The following SPATA17 variants were observed in gnomAD, a reference collection of about 807,000 sequenced individuals.
SPATA17 encodes the protein spermatogenesis-associated protein 17.
Under a neutral mutation model 62.2 loss-of-function variants are expected in SPATA17, and 53 were observed. The observed-to-expected ratio is 0.85, with a 90% CI of 0.68 to 1.07. SPATA17 has a LOEUF of 1.07. Among genes scored for constraint, SPATA17 ranks in the 50% least tolerant of loss-of-function variants. The pLI is 0.00. For synonymous variants in SPATA17, 146 were observed against 146.8 expected (o/e 0.99, Z 0.04); for missense variants, 466 against 425.5 (o/e 1.10, Z -0.84).
chr1:217,852,811 A>T (rs1039191724), intron 9 of SPATA17, among the ~76,000 whole-genome samples: 4 of 151,812 alleles, frequency 2.6e-5, no homozygotes, highest in Non-Finnish European at 2.9e-5. Context: ...GCATGATTAC[A>T]CTCTCACCTC....
intron 5 of SPATA17, among the ~76,000 whole-genome samples, chr1:217,721,060 A>G (rs1672115316): frequency 6.6e-6 from 1 of 152,218 alleles, no homozygotes; most frequent in African/African-American, 2.4e-5. Flanking sequence ...TTTATAGATA[A>G]GGCATCACAC....
At chr1:217,640,948 A>G (rs1670048199) in intron 1 of SPATA17, among the ~76,000 whole-genome samples, 1 of 152,090 alleles carries the variant, frequency 6.6e-6, no homozygotes, top group Admixed American at 6.6e-5. Context: ...TGAGGTTGAA[A>G]TAGAATCTTT....
intron 6 of SPATA17, among the ~76,000 whole-genome samples, chr1:217,755,536 C>T (rs1673021815): frequency 6.6e-6 from 1 of 151,894 alleles, no homozygotes; most frequent in South Asian, 2.1e-4. Context: ...CTACAAGGTG[C>T]TTACATAAGG....
At chr1:217,690,324 T>C (rs1671319590) in intron 5 of SPATA17, among the ~76,000 whole-genome samples, 1 of 152,246 alleles carries the variant, frequency 6.6e-6, no homozygotes, top group Admixed American at 6.5e-5. Flanking sequence ...TAAACTTTAC[T>C]CTGGATAGTT....
At chr1:217,822,585 C>G (rs1347707189) in intron 9 of SPATA17, among the ~76,000 whole-genome samples, 2 of 148,834 alleles carry the variant, frequency 1.3e-5, no homozygotes, top group African/African-American at 4.9e-5. Flanking sequence ...AATATTTGCT[C>G]GAATTAGCCA....
intron 5 of SPATA17, among the ~76,000 whole-genome samples, chr1:217,703,519 ATGT>A (rs1324697060): frequency 6.6e-6 from 1 of 152,060 alleles, no homozygotes; most frequent in Non-Finnish European, 1.5e-5. Flanking sequence ...ACAAAGTGTG[ATGT>A]TGGTCAAGCT....
chr1:217,836,788 A>G (rs897173262), intron 9 of SPATA17, among the ~76,000 whole-genome samples: 7 of 152,148 alleles, frequency 4.6e-5, no homozygotes, highest in East Asian at 1.9e-4. Flanking sequence ...AAAGGACAGA[A>G]GTGCTCCAGC....
Position 217,782,169 on chromosome 1 carries a change from G to C in SPATA17, c.724-5G>C. ...TAAAATATGTTCCTCATCCTGTCTTGTCAGGGGCCCTTCCGAGATATCACC... is the reference window on the plus strand; with the variant it reads ...TAAAATATGTTCCTCATCCTGTCTTCTCAGGGGCCCTTCCGAGATATCACC... On this transcript the variant is annotated splice_polypyrimidine_tract_variant and splice_region_variant and intron_variant, in intron 7 of 10. Transcript: ENST00000366933. The C allele has an allele frequency of 1.9e-6, 3 of 1,585,928 alleles. No individual in the cohort carries two copies. Among genetic ancestry groups the C allele is most frequent in the Non-Finnish European group, 2.6e-6 (3 of 1,168,848 alleles).
At chr1:217,737,648 CTGATTTTCTCCAG>C (rs1193772464) in intron 5 of SPATA17, among the ~76,000 whole-genome samples, 1 of 151,958 alleles carries the variant, frequency 6.6e-6, no homozygotes, top group African/African-American at 2.4e-5. Context: ...GGCAGGGCAG[CTGATTTTCTCCAG>C]TGAGATATAG....
intron 3 of SPATA17, among the ~76,000 whole-genome samples, chr1:217,666,304 A>C (rs1670693631): frequency 6.6e-6 from 1 of 152,218 alleles, no homozygotes; most frequent in African/African-American, 2.4e-5. Flanking sequence ...AATGAAAAAA[A>C]CAAAACTTTT....
At chr1:217,702,903 A>G (rs1239389860) in intron 5 of SPATA17, among the ~76,000 whole-genome samples, 1 of 149,146 alleles carries the variant, frequency 6.7e-6, no homozygotes, top group Non-Finnish European at 1.5e-5. Context: ...TTTTTTTGAG[A>G]TGGAGTCTCA....
At chr1:217,682,971 A>C (rs145300286) in intron 4 of SPATA17, among the ~76,000 whole-genome samples, 2 of 152,056 alleles carry the variant, frequency 1.3e-5, no homozygotes, top group Non-Finnish European at 1.5e-5. Context: ...GGAATTTGTA[A>C]AGCAAATTTT....
chr1:217,829,081 C>A (rs1332464720), intron 9 of SPATA17, among the ~76,000 whole-genome samples: 1 of 152,102 alleles, frequency 6.6e-6, no homozygotes, highest in African/African-American at 2.4e-5. Context: ...CCAGCAATTT[C>A]TCTTCTGTGT....
chr1:217,804,709 C>A (rs1437589286), intron 9 of SPATA17, among the ~76,000 whole-genome samples: 1 of 152,102 alleles, frequency 6.6e-6, no homozygotes, highest in Non-Finnish European at 1.5e-5. Flanking sequence ...CAAATAACCT[C>A]TTTTAAAAAT....
chr1:217,678,448 T>A (rs1469687076), intron 4 of SPATA17, among the ~76,000 whole-genome samples: 1 of 151,936 alleles, frequency 6.6e-6, no homozygotes, highest in Non-Finnish European at 1.5e-5. Context: ...GACCTCGTGA[T>A]CCACCCACCT....
At chr1:217,685,979 T>C (rs1671207513) in intron 5 of SPATA17, among the ~76,000 whole-genome samples, 1 of 152,122 alleles carries the variant, frequency 6.6e-6, no homozygotes, top group Non-Finnish European at 1.5e-5. Flanking sequence ...GTGCCTAATT[T>C]ATAAATTAAA....
intron 9 of SPATA17, among the ~76,000 whole-genome samples, chr1:217,854,371 T>G (rs945927781): frequency 6.6e-6 from 1 of 152,172 alleles, no homozygotes; most frequent in Non-Finnish European, 1.5e-5. Flanking sequence ...GGATCTCCAG[T>G]AGCAGTGTTC....
At chr1:217,784,152 A>G (rs562029299) in intron 8 of SPATA17, among the ~76,000 whole-genome samples, 1 of 152,012 alleles carries the variant, frequency 6.6e-6, no homozygotes, top group Admixed American at 6.6e-5. Context: ...GCATTATTTT[A>G]TCCTATGTGA....
At chr1:217,790,534 G>A (rs909049201) in intron 8 of SPATA17, among the ~76,000 whole-genome samples, 10 of 152,076 alleles carry the variant, frequency 6.6e-5, no homozygotes, top group African/African-American at 2.2e-4. Flanking sequence ...TCTGCCTCCC[G>A]GGTTCACGCC....
Sources: allele counts gnomAD v4.1 joint callset (sites outside exome capture counted in the v4.1 genomes callset), GRCh38; gene constraint gnomAD v4.1.1; transcripts MANE v1.5; gene names NCBI Gene and HGNC (gene_info 2026-07-23, HGNC 2026-07-21).